Variants in STUM observed in about 807,000 individuals in gnomAD.
STUM encodes protein stum homolog.
In STUM, 8 loss-of-function variants were observed where a neutral mutation model predicts 15.3. The ratio of observed to expected loss-of-function variants is 0.52; its 90% CI spans 0.31 to 0.94. The LOEUF is 0.94. STUM is among the 40% of genes least tolerant of loss of function. The probability of loss-of-function intolerance (pLI) is 0.05; values close to 1 mark genes in which losing one functional copy is unlikely to be tolerated. For synonymous variants in STUM, 78 were observed against 88.7 expected (o/e 0.88, Z 0.68); for missense variants, 142 against 204.9 (o/e 0.69, Z 1.87).
chr1:226,587,825 C>T (rs1366878637), intron 1 of STUM, among the ~76,000 whole-genome samples: 1 of 152,142 alleles, frequency 6.6e-6, no homozygotes. Context: ...ATCCACTCTC[C>T]CATCTCTAGT....
At chr1:226,580,251 C>A (rs1667897322) in intron 1 of STUM, among the ~76,000 whole-genome samples, 1 of 150,122 alleles carries the variant, frequency 6.7e-6, no homozygotes, top group African/African-American at 2.5e-5. Flanking sequence ...AAGGGCCAGG[C>A]TTAGTGCAGG....
At chr1:226,556,043 G>A (rs977003248) in intron 1 of STUM, among the ~76,000 whole-genome samples, 6 of 152,060 alleles carry the variant, frequency 3.9e-5, no homozygotes, top group South Asian at 2.1e-4. Flanking sequence ...CAAATCCGGC[G>A]TATATTTTAC....
rs1481637041 is a variant in STUM, at chr1:226,602,091, C to T, written c.*51C>T. On this transcript the variant is annotated 3_prime_UTR_variant, in exon 4 of 4. Coordinates refer to ENST00000366788, the MANE Select transcript of STUM (RefSeq NM_001003665.4). ...CAGGGGGGCCCTGTGAGGGCTGCAC[C>T]AGGCAGCTTTGGGCACAAGGACCTT... 3 of 1,505,408 alleles carry T rather than the reference C, an allele frequency of 2.0e-6. No individual in the cohort carries two copies. The highest frequency in any genetic ancestry group is 2.3e-5 in the East Asian group (1 of 44,302). 93.3% of individuals were successfully genotyped at this position (1,505,408 alleles called of 1,614,324 possible).
Position 226,606,198 on chromosome 1 carries a change from T to TGAG in STUM, c.*4163_*4165dup, listed in dbSNP as rs3832010. Reference sequence around the variant, plus strand: ...AGGCCTTCCGAAGGCCCGAGGTTCTTGAGGAGGGGAAGCTGATAGGGCCCT... The same window carrying TGAG: ...AGGCCTTCCGAAGGCCCGAGGTTCTTGAGGAGGAGGGGAAGCTGATAGGGCCCT... On this transcript the variant is annotated 3_prime_UTR_variant, in exon 4 of 4. Coordinates refer to ENST00000366788, the MANE Select transcript of STUM (RefSeq NM_001003665.4). The TGAG allele has an allele frequency of 0.64, 96,341 of 151,698 alleles. 31,049 individuals carry two copies. The highest frequency in any genetic ancestry group is 0.73 in the African/African-American group (30,339 of 41,344). The allele number at this position is 151,698 out of a possible 1,614,324, so 9.4% of individuals were successfully genotyped here. A position where few individuals can be genotyped will look rare whatever the true frequency, so the allele number is the denominator to read the frequency against.
intron 2 of STUM, among the ~76,000 whole-genome samples, chr1:226,598,811 A>T (rs1410753636): frequency 6.6e-6 from 1 of 152,200 alleles, no homozygotes; most frequent in African/African-American, 2.4e-5. Flanking sequence ...CACTGTTTCC[A>T]GGGATGCTGT....
At chr1:226,595,409 A>C (rs1430060061) in intron 1 of STUM, among the ~76,000 whole-genome samples, 1 of 152,048 alleles carries the variant, frequency 6.6e-6, no homozygotes, top group Non-Finnish European at 1.5e-5. Context: ...TCACAGACAC[A>C]CTCAGAAACA....
At chr1:226,578,881 G>A (rs1169677161) in intron 1 of STUM, among the ~76,000 whole-genome samples, 2 of 152,088 alleles carry the variant, frequency 1.3e-5, no homozygotes, top group East Asian at 1.9e-4. Flanking sequence ...CTCAAGCAAC[G>A]AAATAAAAAA....
intron 1 of STUM, among the ~76,000 whole-genome samples, chr1:226,584,389 T>C (rs919913672): frequency 5.3e-5 from 8 of 152,240 alleles, no homozygotes; most frequent in African/African-American, 1.9e-4. Flanking sequence ...ACTGGCACAG[T>C]GCCACTTCTG....
At chr1:226,569,543 G>T (rs1361394385) in intron 1 of STUM, among the ~76,000 whole-genome samples, 1 of 152,208 alleles carries the variant, frequency 6.6e-6, no homozygotes, top group Admixed American at 6.5e-5. Flanking sequence ...GCAGTTCTCA[G>T]ACCTCAGAAT....
intron 1 of STUM, among the ~76,000 whole-genome samples, chr1:226,569,252 C>T (rs1435978821): frequency 1.3e-5 from 2 of 152,154 alleles, no homozygotes; most frequent in African/African-American, 4.8e-5. Context: ...CTTAGAATAG[C>T]ACTTTGCACA....
chr1:226,564,762 G>A (rs563914461), intron 1 of STUM, among the ~76,000 whole-genome samples: 27 of 152,320 alleles, frequency 1.8e-4, no homozygotes, highest in Admixed American at 3.9e-4. Flanking sequence ...CTTTCTCAAG[G>A]AGAGTGTGGC....
At chr1:226,587,901 A>T (rs78188158) in intron 1 of STUM, among the ~76,000 whole-genome samples, 3,481 of 152,256 alleles carry the variant, frequency 0.023, 150 homozygotes, top group African/African-American at 0.079. Context: ...TAGTTACTGC[A>T]TTGTGATGGG....
Position 226,600,656 on chromosome 1 carries a change from G to T in STUM, c.383-10G>T. 1 of 1,611,008 alleles carries T rather than the reference G, an allele frequency of 6.2e-7. No individual in the cohort carries two copies. Among genetic ancestry groups the T allele is most frequent in the South Asian group, 1.1e-5 (1 of 91,074 alleles). ...TTCCTCCTGCTGCCTCCCACTCTGT[G>T]CTGCTGCAGTTTCCCAAGGTGAGTC... On this transcript the variant is annotated splice_polypyrimidine_tract_variant and intron_variant, in intron 2 of 3. Transcript: ENST00000366788. The surrounding 1 kb of genome is among the most constrained non-coding windows in gnomAD (Gnocchi z 5.2).
chr1:226,584,138 C>T (rs1373049397), intron 1 of STUM, among the ~76,000 whole-genome samples: 1 of 152,144 alleles, frequency 6.6e-6, no homozygotes, highest in Non-Finnish European at 1.5e-5. Flanking sequence ...CAGGGTGACT[C>T]GATGGTTGAG....
intron 1 of STUM, among the ~76,000 whole-genome samples, chr1:226,551,875 G>A (rs1667381110): frequency 6.6e-6 from 1 of 152,142 alleles, no homozygotes; most frequent in African/African-American, 2.4e-5. Context: ...CCCTGAGGGA[G>A]TAGTGTTAGG....
At chr1:226,554,080 G>A (rs762617963) in intron 1 of STUM, among the ~76,000 whole-genome samples, 4 of 152,134 alleles carry the variant, frequency 2.6e-5, no homozygotes, top group Non-Finnish European at 4.4e-5. Context: ...CACGTGACTC[G>A]CTTTGGCCAA....
chr1:226,601,263 A>C (rs1237599103), intron 3 of STUM, among the ~76,000 whole-genome samples: 1 of 152,158 alleles, frequency 6.6e-6, no homozygotes, highest in Non-Finnish European at 1.5e-5. Flanking sequence ...AGTAGCTGGG[A>C]CTACAGGCAC....
In STUM at chr1:226,562,314, C is replaced by G. The variant is rs1400424720; in HGVS notation, c.202+13208C>G. Among the ~76,000 whole-genome samples the G allele has an allele frequency of 2.0e-5, 3 of 151,844 alleles. No individual in the cohort carries two copies. The East Asian group carries it at 5.8e-4, about 29-fold the overall frequency. On this transcript the variant is annotated intron_variant, in intron 1 of 3. Transcript: ENST00000366788. Reference sequence around the variant, plus strand: ...TGAAACCCCGTCTCTACTAAAAATACAAAAATTAGCCAGGTGTGGTGGTGC... The same window carrying G: ...TGAAACCCCGTCTCTACTAAAAATAGAAAAATTAGCCAGGTGTGGTGGTGC...
chr1:226,586,853 A>T (rs1205137052), intron 1 of STUM, among the ~76,000 whole-genome samples: 2 of 152,146 alleles, frequency 1.3e-5, no homozygotes, highest in African/African-American at 2.4e-5. Context: ...GGTAGGAAGG[A>T]CGAGGCTAAG....
Sources: allele counts gnomAD v4.1 joint callset (sites outside exome capture counted in the v4.1 genomes callset), GRCh38; gene constraint gnomAD v4.1.1; non-coding constraint Gnocchi (gnomAD v3.1); transcripts MANE v1.5; gene names NCBI Gene and HGNC (gene_info 2026-07-23, HGNC 2026-07-21).